Variants in BRD1 observed in about 807,000 individuals in gnomAD.
BRD1 encodes bromodomain containing 1, also known as bromodomain-containing protein 1.
Under a neutral mutation model 107.7 loss-of-function variants are expected in BRD1, and 24 were observed. That is an observed-to-expected ratio of 0.22 (90% confidence interval 0.16 to 0.31). BRD1 has a LOEUF of 0.31. BRD1 is among the 10% of genes least tolerant of loss of function. The pLI, the probability that BRD1 is intolerant of heterozygous loss-of-function variation, is 1.00. For missense variants in BRD1, 1,279 were observed against 1,638.6 expected (o/e 0.78, Z 3.79); for synonymous variants, 744 against 686.1 (o/e 1.08, Z -1.32).
intron 3 of BRD1, among the ~76,000 whole-genome samples, chr22:49,800,160 G>A (rs1461852577): frequency 6.6e-6 from 1 of 152,152 alleles, no homozygotes; most frequent in African/African-American, 2.4e-5. Context: ...TCAAAGGACC[G>A]AGGGTGTGAA....
chr22:49,775,572 C>CT lies in BRD1; in HGVS notation c.3386+18dup, dbSNP rs2059066662. 3.8e-6 allele frequency: 6 copies of CT among 1,566,206 alleles called. No homozygotes were observed. In the East Asian group the frequency reaches 1.4e-4, roughly 37 times the overall value. ...AACCACCCCAGCCGGTCCCCGGAGT[C>CT]TAAGGCCTCTCAACTCACCAACTTC... On this transcript the variant is annotated intron_variant, in intron 12 of 12. Transcript: ENST00000404760.
intron 2 of BRD1, chr22:49,817,712 G>A (rs887243306): frequency 4.6e-6 from 1 of 215,762 alleles, no homozygotes; most frequent in African/African-American, 2.3e-5. Flanking sequence ...ATCAATTCCA[G>A]GGGTCAATGT....
chr22:49,801,774 C>G (rs955942836), intron 3 of BRD1, among the ~76,000 whole-genome samples: 1 of 152,246 alleles, frequency 6.6e-6, no homozygotes, highest in Admixed American at 6.5e-5. Flanking sequence ...GGGGGCCCAG[C>G]TGGCAGGTTC....
chr22:49,797,540 C>T (rs1006209045), intron 6 of BRD1, among the ~76,000 whole-genome samples: 7 of 152,218 alleles, frequency 4.6e-5, no homozygotes, highest in African/African-American at 1.4e-4. Context: ...AGGTGAAAAG[C>T]TTATATATCC....
chr22:49,823,788 C>T lies in BRD1; in HGVS notation c.530G>A (p.Cys177Tyr). The T allele has an allele frequency of 6.2e-7, 1 of 1,614,132 alleles. No individual in the cohort carries two copies. The change falls in exon 2 of 13, where the codon TGC becomes TAC. Residue 177 changes from cysteine (C) to tyrosine (Y), a missense_variant. Around this residue, in one of 7 missense-constraint regions of BRD1, gnomAD observed 223 missense variants for 263.5 expected, o/e 0.85. Transcript: ENST00000404760. ...EIVNEKRKGD[C>Y]VPAVSQSMFE... is the part of the protein sequence containing the mutation. ...CATGCTCTGCGACACGGCGGGGACG[C>T]AGTCGCCCTTGCGCTTCTCATTGAC...
At chr22:49,822,193 A>G (rs570654123) in intron 2 of BRD1, among the ~76,000 whole-genome samples, 24 of 152,338 alleles carry the variant, frequency 1.6e-4, no homozygotes, top group Non-Finnish European at 2.8e-4. Context: ...TGGGATGCAG[A>G]GGCAGGCAGA....
chr22:49,820,859 T>G (rs979657986), intron 2 of BRD1: 7 of 152,312 alleles, frequency 4.6e-5, no homozygotes, highest in African/African-American at 1.7e-4. Flanking sequence ...CCAGGCGCAC[T>G]GGGAGCTCCT....
chr22:49,826,497 A>T (rs988761777), intron 1 of BRD1, among the ~76,000 whole-genome samples: 4 of 152,182 alleles, frequency 2.6e-5, no homozygotes, highest in Non-Finnish European at 4.4e-5. Flanking sequence ...TAGCTTCTCA[A>T]GGAATAATTC....
At chr22:49,777,841 C>A in intron 8 of BRD1, 28 bp from the exon 9 acceptor site, 1 of 1,578,514 alleles carries the variant, frequency 6.3e-7, no homozygotes, top group Non-Finnish European at 8.6e-7. Flanking sequence ...AGGCCCTGAG[C>A]TCAGCACAAC....
intron 2 of BRD1, among the ~76,000 whole-genome samples, chr22:49,816,858 T>C (rs1401310818): frequency 1.3e-5 from 2 of 152,206 alleles, no homozygotes; most frequent in Admixed American, 1.3e-4. Context: ...ACAGACACTC[T>C]CTGGACTGCG....
In BRD1 at chr22:49,803,851, C is replaced by CG. The variant is rs2147199135; in HGVS notation, c.1524+352_1524+353insC. On this transcript the variant is annotated intron_variant, in intron 3 of 12. Transcript: ENST00000404760. This position sits in a 1 kb window ranked among gnomAD's most constrained non-coding sequence, Gnocchi z 4.4. ...CACCGGGTCCCACTCCTGCTGTCCC[C>CG]AGCCCGGACGCTCATGCAGCCACAG... Among the ~76,000 whole-genome samples the CG allele has an allele frequency of 6.6e-6, 1 of 152,344 alleles. No homozygotes were observed. The highest frequency in any genetic ancestry group is 1.9e-4 in the East Asian group (1 of 5,182).
chr22:49,799,915 G>A (rs1330198352), intron 3 of BRD1, among the ~76,000 whole-genome samples: 5 of 152,188 alleles, frequency 3.3e-5, no homozygotes, highest in Admixed American at 1.3e-4. Context: ...TCACAGTGCC[G>A]GGGCACCCTG....
chr22:49,809,724 C>T (rs999400842), intron 2 of BRD1, among the ~76,000 whole-genome samples: 4 of 152,084 alleles, frequency 2.6e-5, no homozygotes, highest in Admixed American at 6.6e-5. Flanking sequence ...GCTATGAGGG[C>T]TACTGGACCA....
intron 2 of BRD1, chr22:49,806,348 GC>G (rs1303188208): frequency 6.6e-6 from 1 of 152,194 alleles, no homozygotes; most frequent in Non-Finnish European, 1.5e-5. Flanking sequence ...TGATGAAAAT[GC>G]TTTAAAAACT....
intron 7 of BRD1, among the ~76,000 whole-genome samples, chr22:49,789,089 C>T (rs563431168): frequency 6.6e-6 from 1 of 152,282 alleles, no homozygotes; most frequent in South Asian, 2.1e-4. Flanking sequence ...AAATGACACT[C>T]GGCGCCTTAG....
rs190662872 is a variant in BRD1 at position 49,821,954 on chromosome 22, G to A, written c.1367+997C>T. 3.5e-3 allele frequency among the ~76,000 whole-genome samples: 539 copies of A among 152,338 alleles called. 5 individuals are homozygous for A. Among genetic ancestry groups the A allele is most frequent in the African/African-American group, 0.012 (504 of 41,586 alleles). Reference sequence around the variant, plus strand: ...CTTGTTTGGCCACCCTTTCCTCAGGGCATCTGCAGCAAGTGGGGGGCACAG... The same window carrying A: ...CTTGTTTGGCCACCCTTTCCTCAGGACATCTGCAGCAAGTGGGGGGCACAG... On this transcript the variant is annotated intron_variant, in intron 2 of 12. Transcript: ENST00000404760.
chr22:49,823,009 G>A lies in BRD1; in HGVS notation c.1309C>T (p.Leu437=), dbSNP rs775063519. 1.2e-6 allele frequency: 2 copies of A among 1,614,262 alleles called. No individual in the cohort carries two copies. Among genetic ancestry groups the A allele is most frequent in the East Asian group, 2.2e-5 (1 of 44,884 alleles). The change falls in exon 2 of 13, where the codon CTG becomes TTG. Residue 437 remains leucine (L), a synonymous_variant. Transcript: ENST00000404760. ...RKKAKKAKKA[L]AEPCAVLPTV... ...GGCAGGACCGCGCAGGGCTCAGCCA[G>A]AGCTTTCTTAGCCTTTTTTGCCTTC...
At chr22:49,826,489 G>A (rs187066301) in intron 1 of BRD1, among the ~76,000 whole-genome samples, 115 of 152,350 alleles carry the variant, frequency 7.5e-4, no homozygotes, top group African/African-American at 2.7e-3. Flanking sequence ...CACACACGTA[G>A]CTTCTCAAGG....
chr22:49,815,468 AG>A (rs1031566536), intron 2 of BRD1, among the ~76,000 whole-genome samples: 26 of 151,790 alleles, frequency 1.7e-4, no homozygotes, highest in Middle Eastern at 6.8e-3. Flanking sequence ...GCTTGAACCC[AG>A]GGGGCAGAGG....
Sources: gnomAD v4.1 joint callset for allele counts (sites outside exome capture counted in the v4.1 genomes callset) on GRCh38, gnomAD v4.1.1 for gene constraint, gnomAD v4.1.1 regional missense constraint, Gnocchi (gnomAD v3.1) non-coding constraint, MANE v1.5 for transcripts, NCBI Gene and HGNC (gene_info 2026-07-23, HGNC 2026-07-21) for gene names.